CA1: variants seen among roughly 807,000 people sequenced by gnomAD.
The protein encoded by CA1 is carbonic anhydrase 1.
In CA1, 27 loss-of-function variants were observed where a neutral mutation model predicts 28.8. That is an observed-to-expected ratio of 0.94 (90% CI 0.69 to 1.29). The LOEUF is 1.29. CA1 is among the 50% of genes most tolerant of loss of function. CA1 has a pLI of 0.00. For synonymous variants in CA1, 121 were observed against 108.8 expected, an observed-to-expected ratio of 1.11 and a Z score of -0.70; for missense variants, 335 against 310.5, an observed-to-expected ratio of 1.08 and a Z score of -0.59.
At chr8:85,338,111 C>A (rs781227710) in intron 3 of CA1, 141 bp downstream of exon 3, 1 of 839,088 alleles carries the variant, frequency 1.2e-6, no homozygotes, top group Non-Finnish European at 2.0e-6. Flanking sequence ...TTCCAGAAGT[C>A]CAAGATGCCT....
intron 1 of CA1, chr8:85,343,234 A>G (rs1808999612): frequency 6.6e-6 from 1 of 151,482 alleles, no homozygotes; most frequent in African/African-American, 2.5e-5. Flanking sequence ...TTCTGGAAAA[A>G]GAAAAAAATT....
At chr8:85,376,928 A>G (rs1810440923) in intron 1 of CA1, among the ~76,000 whole-genome samples, 1 of 152,224 alleles carries the variant, frequency 6.6e-6, no homozygotes, top group African/African-American at 2.4e-5. Context: ...CCTCAGCCCA[A>G]TCAGATCATA....
intron 2 of CA1, among the ~76,000 whole-genome samples, chr8:85,340,473 T>C (rs1287401471): frequency 6.6e-6 from 1 of 152,212 alleles, no homozygotes; most frequent in Non-Finnish European, 1.5e-5. Context: ...GGAGCTCTGA[T>C]GGAGATGTAC....
At position 85,327,984 on chromosome 8, in the gene CA1, T is replaced by A. The variant is rs1808243467; in HGVS notation, c.*576A>T. On this transcript the variant is annotated 3_prime_UTR_variant, in exon 8 of 8. Coordinates refer to ENST00000523022, the MANE Select transcript of CA1 (RefSeq NM_001128831.4). ...ATCTTCCTATATAAAAGATAATCATTTTGATCACAGACAACACAAATGGTA... is the reference window on the plus strand; with the variant it reads ...ATCTTCCTATATAAAAGATAATCATATTGATCACAGACAACACAAATGGTA... 6.6e-6 allele frequency: 1 copy of A among 152,334 alleles called. No homozygotes were observed. Among genetic ancestry groups the A allele is most frequent in the Non-Finnish European group, 1.5e-5 (1 of 68,202 alleles). The allele number at this position is 152,334 out of a possible 1,614,324, so 9.4% of individuals were successfully genotyped here. A position where few individuals can be genotyped will look rare whatever the true frequency, so the allele number is the denominator to read the frequency against.
intron 1 of CA1, among the ~76,000 whole-genome samples, chr8:85,367,019 A>C (rs1217636175): frequency 6.6e-6 from 1 of 152,012 alleles, no homozygotes; most frequent in Non-Finnish European, 1.5e-5. Context: ...AATTATTTAA[A>C]TTTTTTCTTA....
chr8:85,373,467 AG>A (rs1336896524), intron 1 of CA1: 1 of 152,212 alleles, frequency 6.6e-6, no homozygotes, highest in Non-Finnish European at 1.5e-5. Flanking sequence ...ATGACAAGAA[AG>A]GTGAGTACAG....
At chr8:85,334,586 CCCTT>C (rs1171848119) in intron 4 of CA1, among the ~76,000 whole-genome samples, 3 of 151,360 alleles carry the variant, frequency 2.0e-5, no homozygotes, top group African/African-American at 7.3e-5. Flanking sequence ...TCTCCTCCCT[CCCTT>C]CCTCCCTCCC....
chr8:85,359,552 G>C (rs1202505738), intron 1 of CA1, among the ~76,000 whole-genome samples: 1 of 152,232 alleles, frequency 6.6e-6, no homozygotes, highest in African/African-American at 2.4e-5. Flanking sequence ...GTATTAATTG[G>C]TGGAGAGGGT....
At chr8:85,333,061 A>C (rs999591157) in intron 5 of CA1, among the ~76,000 whole-genome samples, 23 of 152,190 alleles carry the variant, frequency 1.5e-4, no homozygotes, top group Admixed American at 2.0e-4. Context: ...CCATTTAAAA[A>C]ATCAATTGAA....
intron 1 of CA1, among the ~76,000 whole-genome samples, chr8:85,371,302 C>T (rs1027944023): frequency 6.6e-6 from 1 of 152,116 alleles, no homozygotes; most frequent in Non-Finnish European, 1.5e-5. Context: ...ATGATTCTGG[C>T]GCCCTAGGCT....
At chr8:85,353,397 C>T (rs1809482921) in intron 1 of CA1, among the ~76,000 whole-genome samples, 1 of 152,016 alleles carries the variant, frequency 6.6e-6, no homozygotes, top group Non-Finnish European at 1.5e-5. Context: ...ATTTTCTGTC[C>T]CAGAGAAAAC....
At chr8:85,355,486 G>C (rs938305804) in intron 1 of CA1, among the ~76,000 whole-genome samples, 4 of 150,712 alleles carry the variant, frequency 2.7e-5, no homozygotes, top group African/African-American at 9.8e-5. Flanking sequence ...GGGCTCTAGC[G>C]ATCCTCCCAC....
chr8:85,344,229 GTATATAA>G (rs1285758435), intron 1 of CA1, among the ~76,000 whole-genome samples: 7 of 74,058 alleles, frequency 9.5e-5, no homozygotes, highest in East Asian at 3.0e-4. Flanking sequence ...ATTATATACA[GTATATAA>G]TATATAATTA....
chr8:85,368,845 CTTGT>C (rs1435423771), intron 1 of CA1, among the ~76,000 whole-genome samples: 1 of 152,146 alleles, frequency 6.6e-6, no homozygotes, highest in Admixed American at 6.5e-5. Flanking sequence ...TCACGTCAAT[CTTGT>C]AACTTTCCAA....
At chr8:85,360,910 C>T (rs1176690344) in intron 1 of CA1, among the ~76,000 whole-genome samples, 1 of 152,152 alleles carries the variant, frequency 6.6e-6, no homozygotes, top group Non-Finnish European at 1.5e-5. Flanking sequence ...ACTTGTGCAC[C>T]ACCATCTGCC....
intron 1 of CA1, among the ~76,000 whole-genome samples, chr8:85,361,504 C>T (rs1346002148): frequency 6.6e-6 from 1 of 152,054 alleles, no homozygotes; most frequent in African/African-American, 2.4e-5. Flanking sequence ...TGTCGAAACC[C>T]TCTGTCTACT....
chr8:85,331,525 C>T (rs1051311980), intron 6 of CA1, among the ~76,000 whole-genome samples: 6 of 151,986 alleles, frequency 3.9e-5, no homozygotes, highest in Non-Finnish European at 7.4e-5. Context: ...GGCACAATCT[C>T]GGCTCACTGC....
intron 1 of CA1, among the ~76,000 whole-genome samples, chr8:85,344,132 TA>T (rs1809035958): frequency 7.2e-6 from 1 of 138,484 alleles, no homozygotes; most frequent in Non-Finnish European, 1.5e-5. Context: ...AATTTAAATT[TA>T]TATATATAAT....
intron 1 of CA1, among the ~76,000 whole-genome samples, chr8:85,373,141 T>C (rs1810291721): frequency 6.6e-6 from 1 of 152,230 alleles, no homozygotes; most frequent in Non-Finnish European, 1.5e-5. Context: ...TTCGTGCTAG[T>C]GTTGGTGTTG....
Sources: allele counts gnomAD v4.1 joint callset (sites outside exome capture counted in the v4.1 genomes callset), GRCh38; gene constraint gnomAD v4.1.1; transcripts MANE v1.5; gene names NCBI Gene and HGNC (gene_info 2026-07-23, HGNC 2026-07-21).